The following KCTD16 variants were observed in gnomAD, a reference collection of about 807,000 sequenced individuals.
KCTD16 encodes the protein BTB/POZ domain-containing protein KCTD16.
KCTD16 carries 13 observed loss-of-function variants against 33.2 expected under a neutral mutation model. The ratio of observed to expected loss-of-function variants is 0.39; its 90% CI spans 0.25 to 0.62. The LOEUF (loss-of-function observed/expected upper bound fraction) is 0.62, where lower values mean the gene tolerates loss of function less well. Ranked by LOEUF, KCTD16 falls within the 20% of genes least tolerant of loss-of-function variation. KCTD16 has a pLI of 0.50. For synonymous variants in KCTD16, 197 were observed against 195.3 expected (o/e 1.01, Z -0.07); for missense variants, 441 against 525.1 (o/e 0.84, Z 1.57).
intron 3 of KCTD16, among the ~76,000 whole-genome samples, chr5:144,224,459 A>G (rs1285459548): frequency 8.1e-6 from 1 of 124,122 alleles, no homozygotes; most frequent in Non-Finnish European, 1.6e-5. Context: ...GGTGCTTTCT[A>G]TTCTGACATA....
At position 144,286,505 on chromosome 5, in the gene KCTD16, A is replaced by G. The variant is rs144165357; in HGVS notation, c.832+78959A>G. ...TTGAGCTGCACTACTTAACAATTCA[A>G]TTCAACAAATAGTCATGAACATTCA... is the stretch of plus-strand genomic sequence containing the variant. On this transcript the variant is annotated intron_variant, in intron 3 of 3. Transcript: ENST00000512467. 3.7e-3 allele frequency among the ~76,000 whole-genome samples: 570 copies of G among 152,330 alleles called. 4 individuals carry two copies. The highest frequency in any genetic ancestry group is 0.013 in the African/African-American group (546 of 41,570).
intron 1 of KCTD16, among the ~76,000 whole-genome samples, chr5:144,173,798 A>G (rs1488613674): frequency 2.0e-5 from 3 of 152,078 alleles, no homozygotes; most frequent in Non-Finnish European, 4.4e-5. Flanking sequence ...CATATTGTTT[A>G]TTTGACTTTG....
At chr5:144,280,650 C>T (rs752996830) in intron 3 of KCTD16, among the ~76,000 whole-genome samples, 3 of 152,182 alleles carry the variant, frequency 2.0e-5, no homozygotes, top group Non-Finnish European at 4.4e-5. Context: ...TCCGGCTGGG[C>T]GCAGTGGCTC....
chr5:144,219,571 A>G (rs1241529146), intron 3 of KCTD16, among the ~76,000 whole-genome samples: 1 of 123,682 alleles, frequency 8.1e-6, no homozygotes, highest in African/African-American at 3.2e-5. Context: ...CGCAGGCTGG[A>G]GTGCAATGGC....
chr5:144,326,282 G>A (rs1752206524), intron 3 of KCTD16, among the ~76,000 whole-genome samples: 1 of 152,150 alleles, frequency 6.6e-6, no homozygotes, highest in Admixed American at 6.6e-5. Context: ...AGTCTGTGAA[G>A]TAAATTGACT....
Position 144,322,526 on chromosome 5 carries a change from A to C in KCTD16, c.832+114980A>C, listed in dbSNP as rs778348926. Among the ~76,000 whole-genome samples the C allele has an allele frequency of 1.9e-4, 28 of 148,528 alleles. 1 individual carries two copies. The highest frequency in any genetic ancestry group is 1.4e-3 in the East Asian group (7 of 5,182). On this transcript the variant is annotated intron_variant, in intron 3 of 3. Coordinates refer to ENST00000512467, the MANE Select transcript of KCTD16 (RefSeq NM_020768.4). Reference sequence around the variant, plus strand: ...CAGAAAAAACAAACAAACAAACAAAAAAAACAAAACAGGGCTAAGAGAGGG... The same window carrying C: ...CAGAAAAAACAAACAAACAAACAAACAAAACAAAACAGGGCTAAGAGAGGG...
At chr5:144,346,821 T>C (rs1752813257) in intron 3 of KCTD16, among the ~76,000 whole-genome samples, 1 of 152,208 alleles carries the variant, frequency 6.6e-6, no homozygotes, top group African/African-American at 2.4e-5. Context: ...CTTCACTTTG[T>C]TGATTGTATC....
chr5:144,222,322 A>G (rs1753782986), intron 3 of KCTD16, among the ~76,000 whole-genome samples: 1 of 152,190 alleles, frequency 6.6e-6, no homozygotes, highest in African/African-American at 2.4e-5. Context: ...TATTTAAATT[A>G]TTATAAGACT....
intron 3 of KCTD16, among the ~76,000 whole-genome samples, chr5:144,328,076 C>G (rs899372849): frequency 1.3e-5 from 2 of 152,126 alleles, no homozygotes; most frequent in African/African-American, 4.8e-5. Flanking sequence ...TTTCTCTCCT[C>G]ACTTAGAAAG....
At chr5:144,215,894 G>C (rs1473679969) in intron 3 of KCTD16, among the ~76,000 whole-genome samples, 1 of 152,178 alleles carries the variant, frequency 6.6e-6, no homozygotes, top group Non-Finnish European at 1.5e-5. Context: ...CACTTTATAA[G>C]AAGAAGTTTT....
intron 3 of KCTD16, among the ~76,000 whole-genome samples, chr5:144,237,367 A>G (rs1046483473): frequency 6.6e-6 from 1 of 152,122 alleles, no homozygotes; most frequent in African/African-American, 2.4e-5. Context: ...ATTAAAGTTG[A>G]GCAGATGGTG....
intron 3 of KCTD16, among the ~76,000 whole-genome samples, chr5:144,314,785 C>T (rs914702988): frequency 6.6e-6 from 1 of 152,200 alleles, no homozygotes. Context: ...CACACGCATA[C>T]ACGAAATGGA....
At chr5:144,462,066 C>T (rs887056284) in intron 3 of KCTD16, among the ~76,000 whole-genome samples, 1 of 152,118 alleles carries the variant, frequency 6.6e-6, no homozygotes, top group African/African-American at 2.4e-5. Flanking sequence ...GATTTGATTC[C>T]GTTGTCATGG....
At chr5:144,457,124 A>G (rs1754084765) in intron 3 of KCTD16, among the ~76,000 whole-genome samples, 1 of 152,250 alleles carries the variant, frequency 6.6e-6, no homozygotes, top group South Asian at 2.1e-4. Context: ...CACTTATCAA[A>G]TCTGTGATCA....
At position 144,426,728 on chromosome 5, in the gene KCTD16, T is replaced by C. The variant is rs183911273; in HGVS notation, c.833-46932T>C. Among the ~76,000 whole-genome samples the C allele has an allele frequency of 1.1e-3, 164 of 152,198 alleles. 2 individuals carry two copies. The highest frequency in any genetic ancestry group is 3.7e-3 in the African/African-American group (154 of 41,542). On this transcript the variant is annotated intron_variant, in intron 3 of 3. Transcript: ENST00000512467. ...GGTCATACCATCAAGGGAGGTATCA[T>C]AGGGCAAGCAAGTGCATGAGAAAAA...
chr5:144,363,005 C>T (rs1376228224), intron 3 of KCTD16, among the ~76,000 whole-genome samples: 1 of 152,186 alleles, frequency 6.6e-6, no homozygotes, highest in African/African-American at 2.4e-5. Context: ...TGTTCCTCCA[C>T]TGAAAACTTC....
At chr5:144,329,282 C>A (rs961068071) in intron 3 of KCTD16, among the ~76,000 whole-genome samples, 1 of 152,158 alleles carries the variant, frequency 6.6e-6, no homozygotes, top group African/African-American at 2.4e-5. Context: ...TCAAAGAACA[C>A]CTCTGTGCCA....
At chr5:144,419,805 A>G (rs1385993084) in intron 3 of KCTD16, among the ~76,000 whole-genome samples, 1 of 152,124 alleles carries the variant, frequency 6.6e-6, no homozygotes, top group Admixed American at 6.6e-5. Flanking sequence ...TAAGTAATTT[A>G]ATTTAAATTA....
intron 3 of KCTD16, among the ~76,000 whole-genome samples, chr5:144,238,618 T>C (rs1176613673): frequency 6.6e-6 from 1 of 152,124 alleles, no homozygotes; most frequent in Middle Eastern, 3.2e-3. Flanking sequence ...CTGGTCTTGA[T>C]TCATTTCAGT....
Sources: allele counts gnomAD v4.1 joint callset (sites outside exome capture counted in the v4.1 genomes callset), GRCh38; gene constraint gnomAD v4.1.1; transcripts MANE v1.5; gene names NCBI Gene and HGNC (gene_info 2026-07-23, HGNC 2026-07-21).